Variants in CHD9 observed in about 807,000 individuals in gnomAD.
CHD9 encodes ATP-dependent chromatin remodeler CHD9.
In CHD9, 77 loss-of-function variants were observed where a neutral mutation model predicts 316.1. The ratio of observed to expected loss-of-function variants is 0.24; its 90% CI spans 0.20 to 0.29. The LOEUF (loss-of-function observed/expected upper bound fraction) is 0.29, where lower values mean the gene tolerates loss of function less well. Among genes scored for constraint, CHD9 ranks in the 10% least tolerant of loss-of-function variants. CHD9 has a pLI of 1.00. For synonymous variants in CHD9, 1,129 were observed against 1,158.3 expected (o/e 0.97, Z 0.51); for missense variants, 2,763 against 3,438.1 (o/e 0.80, Z 4.91).
intron 2 of CHD9, among the ~76,000 whole-genome samples, chr16:53,158,359 A>T (rs1228829460): frequency 6.6e-6 from 1 of 152,198 alleles, no homozygotes; most frequent in Admixed American, 6.5e-5. Flanking sequence ...GAACACTAAC[A>T]TTGAGAATAT....
chr16:53,304,404 A>G lies in CHD9; in HGVS notation c.6398A>G (p.Asp2133Gly). ...AAAAGGGGATCAGAATCTAGTTCTGATTCTGACTCAGATTCTGAGAGATCA... is the reference window on the plus strand; with the variant it reads ...AAAAGGGGATCAGAATCTAGTTCTGGTTCTGACTCAGATTCTGAGAGATCA... ...VHKRGSESSS[D>G]SDSDSERSSC... is the part of the protein sequence containing the mutation. The change falls in exon 31 of 39, where the codon GAT (aspartate) becomes GGT (glycine). Residue 2133 changes from aspartate to glycine, a missense_variant. By Grantham distance (94) the Asp-to-Gly change is moderately conservative. Transcript: ENST00000447540. 6.2e-7 allele frequency: 1 copy of G among 1,609,946 alleles called. No homozygotes were observed. The highest frequency in any genetic ancestry group is 8.5e-7 in the Non-Finnish European group (1 of 1,178,164).
At chr16:53,197,120 A>G (rs1162980573) in intron 2 of CHD9, among the ~76,000 whole-genome samples, 1 of 152,188 alleles carries the variant, frequency 6.6e-6, no homozygotes, top group African/African-American at 2.4e-5. Context: ...AAGAGAGAAA[A>G]GGCTGAGATA....
At chr16:53,100,074 G>A (rs754649733) in intron 1 of CHD9, among the ~76,000 whole-genome samples, 1 of 152,224 alleles carries the variant, frequency 6.6e-6, no homozygotes, top group Non-Finnish European at 1.5e-5. Flanking sequence ...GGGATGAAGC[G>A]GTGAAGGGCA....
intron 2 of CHD9, among the ~76,000 whole-genome samples, chr16:53,170,953 CATAACAA>C (rs2042669466): frequency 6.6e-6 from 1 of 151,956 alleles, no homozygotes; most frequent in Non-Finnish European, 1.5e-5. Context: ...AACAAATATG[CATAACAA>C]AAGGTAGTCC....
intron 1 of CHD9, among the ~76,000 whole-genome samples, chr16:53,112,924 T>C (rs1243797306): frequency 6.6e-6 from 1 of 152,034 alleles, no homozygotes; most frequent in African/African-American, 2.4e-5. Context: ...ATTGCCTGAG[T>C]CTAGGAGGTC....
chr16:53,309,528 C>A (rs2056281675), intron 34 of CHD9, among the ~76,000 whole-genome samples: 1 of 152,198 alleles, frequency 6.6e-6, no homozygotes, highest in Admixed American at 6.5e-5. Context: ...AATCTTTTGG[C>A]AGTTTGAATC....
At chr16:53,101,458 A>G (rs977338173) in intron 1 of CHD9, among the ~76,000 whole-genome samples, 5 of 152,108 alleles carry the variant, frequency 3.3e-5, no homozygotes, top group African/African-American at 1.2e-4. Context: ...AATTTTTTGT[A>G]CAGATGAGAT....
At chr16:53,200,370 C>CAAA (rs60076527) in intron 2 of CHD9, among the ~76,000 whole-genome samples, 26 of 88,222 alleles carry the variant, frequency 2.9e-4, no homozygotes, top group African/African-American at 9.1e-4. Flanking sequence ...TACTCTGTCT[C>CAAA]AAAAAAAAAA....
intron 1 of CHD9, among the ~76,000 whole-genome samples, chr16:53,124,766 C>T (rs935985419): frequency 3.3e-5 from 5 of 152,040 alleles, no homozygotes; most frequent in African/African-American, 1.2e-4. Flanking sequence ...AGGTGTGAGC[C>T]ACCACACCCA....
intron 1 of CHD9, among the ~76,000 whole-genome samples, chr16:53,106,657 TAC>T (rs10538483): frequency 0.43 from 64,971 of 150,542 alleles, 14,450 homozygotes; most frequent in East Asian, 0.59. Flanking sequence ...CACACATACA[TAC>T]ACACACACAC....
At chr16:53,089,769 A>T (rs1285503321) in intron 1 of CHD9, among the ~76,000 whole-genome samples, 1 of 152,196 alleles carries the variant, frequency 6.6e-6, no homozygotes, top group Non-Finnish European at 1.5e-5. Flanking sequence ...GACTGATGGC[A>T]GTTGAGTATG....
intron 2 of CHD9, among the ~76,000 whole-genome samples, chr16:53,158,869 T>G (rs1407313609): frequency 6.6e-6 from 1 of 152,194 alleles, no homozygotes; most frequent in African/African-American, 2.4e-5. Flanking sequence ...GCTCCTGTAC[T>G]CAACCAGTCC....
intron 24 of CHD9, among the ~76,000 whole-genome samples, chr16:53,275,636 A>G (rs1055606356): frequency 6.6e-6 from 1 of 152,102 alleles, no homozygotes; most frequent in Non-Finnish European, 1.5e-5. Context: ...TAATTATCTG[A>G]GTTATGCAGA....
At position 53,304,008 on chromosome 16, in the gene CHD9, A is replaced by G. The variant is rs2055690684; in HGVS notation, c.6002A>G (p.Tyr2001Cys). The G allele has an allele frequency of 2.5e-6, 4 of 1,613,920 alleles. No individual in the cohort carries two copies. The highest frequency in any genetic ancestry group is 2.7e-5 in the African/African-American group (2 of 74,932). Residue 2001 changes from tyrosine (Y) to cysteine (C), a missense_variant, in exon 31 of 39, where the codon TAC becomes TGC. Physicochemically the swap from Tyr to Cys is radical, Grantham distance 194. Around this residue, in one of 15 missense-constraint regions of CHD9, gnomAD observed 663 missense variants for 751.2 expected, o/e 0.88. Coordinates refer to ENST00000447540, the MANE Select transcript of CHD9 (RefSeq NM_001308319.2). ...TCATTTATGGCAGCTCAGAGGAACTACAGTCAAAGTAAGATGGCTCATTCA... is the reference window on the plus strand; with the variant it reads ...TCATTTATGGCAGCTCAGAGGAACTGCAGTCAAAGTAAGATGGCTCATTCA... The part of the protein sequence containing the change: ...ELSFMAAQRN[Y>C]SQSKMAHSRT...
chr16:53,253,954 A>T (rs2050344333), intron 17 of CHD9, among the ~76,000 whole-genome samples: 1 of 152,170 alleles, frequency 6.6e-6, no homozygotes, highest in African/African-American at 2.4e-5. Context: ...GGGCGGGTGG[A>T]TCACTTGAGG....
intron 2 of CHD9, among the ~76,000 whole-genome samples, chr16:53,162,747 G>T (rs2042000378): frequency 6.7e-6 from 1 of 149,814 alleles, no homozygotes; most frequent in South Asian, 2.1e-4. Flanking sequence ...AAAAAAACTT[G>T]TAAAAGAAAG....
chr16:53,128,097 A>G (rs1452404136), intron 1 of CHD9, among the ~76,000 whole-genome samples: 1 of 152,236 alleles, frequency 6.6e-6, no homozygotes, highest in Non-Finnish European at 1.5e-5. Context: ...CCACTCCGTC[A>G]TAGCACAGGC....
At chr16:53,208,997 CTTAAATA>C (rs374323702) in intron 2 of CHD9, among the ~76,000 whole-genome samples, 8 of 152,140 alleles carry the variant, frequency 5.3e-5, no homozygotes, top group African/African-American at 1.4e-4. Context: ...TGTTGCTGCA[CTTAAATA>C]TTAAATGATT....
At chr16:53,305,183 T>G (rs908398263) in intron 31 of CHD9, among the ~76,000 whole-genome samples, 57 of 152,126 alleles carry the variant, frequency 3.7e-4, no homozygotes, top group African/African-American at 1.3e-3. Flanking sequence ...TGCCTCAGCC[T>G]CCTGAGTAGC....
Sources: allele counts gnomAD v4.1 joint callset (sites outside exome capture counted in the v4.1 genomes callset), GRCh38; gene constraint gnomAD v4.1.1; regional missense constraint gnomAD v4.1.1; transcripts MANE v1.5; gene names NCBI Gene and HGNC (gene_info 2026-07-23, HGNC 2026-07-21).